Variants in IQCM observed in about 807,000 individuals in gnomAD.
IQCM encodes IQ motif containing M.
In IQCM, 45 loss-of-function variants were observed where a neutral mutation model predicts 57.6. That is an observed-to-expected ratio of 0.78 (90% confidence interval 0.62 to 1.00). The LOEUF (loss-of-function observed/expected upper bound fraction) is 1.00, where lower values mean the gene tolerates loss of function less well. Ranked by LOEUF, IQCM falls within the 50% of genes least tolerant of loss-of-function variation. The pLI is 0.00. For synonymous variants in IQCM, 148 were observed against 158.9 expected, an observed-to-expected ratio of 0.93 and a Z score of 0.51; for missense variants, 468 against 511.6, an observed-to-expected ratio of 0.91 and a Z score of 0.82.
chr4:149,461,036 A>G (rs1738222067), intron 12 of IQCM, among the ~76,000 whole-genome samples: 2 of 152,088 alleles, frequency 1.3e-5, no homozygotes, highest in Non-Finnish European at 2.9e-5. Context: ...GGAGTTCGAG[A>G]CCAGCCTGAC....
chr4:149,468,019 G>T (rs1158931091), intron 12 of IQCM, among the ~76,000 whole-genome samples: 1 of 152,124 alleles, frequency 6.6e-6, no homozygotes, highest in East Asian at 1.9e-4. Flanking sequence ...ATTGCTAGGG[G>T]GAGGCTCCAA....
At chr4:149,744,055 G>A (rs966660950) in intron 2 of IQCM, among the ~76,000 whole-genome samples, 45 of 152,170 alleles carry the variant, frequency 3.0e-4, no homozygotes. Flanking sequence ...CTGTAAGCCA[G>A]CTTTGCCCTA....
chr4:149,780,381 G>T (rs1373045035), intron 2 of IQCM: 3 of 151,962 alleles, frequency 2.0e-5, no homozygotes, highest in Admixed American at 2.0e-4. Flanking sequence ...TTCTCTGCAT[G>T]AAGATTTCAA....
chr4:149,501,674 C>T (rs1743256695), intron 12 of IQCM, among the ~76,000 whole-genome samples: 1 of 152,144 alleles, frequency 6.6e-6, no homozygotes, highest in African/African-American at 2.4e-5. Context: ...TCCAAATTAT[C>T]CTGCTAAGAA....
intron 13 of IQCM, among the ~76,000 whole-genome samples, chr4:149,426,687 C>T (rs969305102): frequency 3.3e-5 from 5 of 151,884 alleles, no homozygotes; most frequent in Admixed American, 6.6e-5. Context: ...AGTTCATCAC[C>T]GCATACACCT....
chr4:149,616,493 G>A (rs1003966997), intron 8 of IQCM, among the ~76,000 whole-genome samples: 1 of 152,042 alleles, frequency 6.6e-6, no homozygotes, highest in Non-Finnish European at 1.5e-5. Context: ...AGATAAAAAA[G>A]CTCTGGAGAT....
Position 149,797,720 on chromosome 4 carries a change from C to T in IQCM, c.-49+17591G>A, listed in dbSNP as rs987159988. On this transcript the variant is annotated intron_variant, in intron 2 of 13. Transcript: ENST00000636793. ...AATAACATATAATAGAGGTGTAATA[C>T]GTCTAGCAGCAGACTTTTCAATGGA... Among the ~76,000 whole-genome samples the T allele has an allele frequency of 1.1e-4, 17 of 151,664 alleles. 1 individual carries two copies. In the East Asian group the frequency reaches 3.1e-3, roughly 28 times the overall value.
At chr4:149,353,760 T>C (rs972026820) in intron 13 of IQCM, among the ~76,000 whole-genome samples, 1 of 151,918 alleles carries the variant, frequency 6.6e-6, no homozygotes, top group Non-Finnish European at 1.5e-5. Context: ...GAGAATCAAA[T>C]TGGTTACTAG....
intron 12 of IQCM, among the ~76,000 whole-genome samples, chr4:149,439,733 A>C (rs796669820): frequency 9.9e-5 from 15 of 152,240 alleles, no homozygotes; most frequent in African/African-American, 3.4e-4. Context: ...GCTCTGACTA[A>C]AGACAAAAGA....
chr4:149,512,495 T>G (rs1480835574), intron 12 of IQCM, among the ~76,000 whole-genome samples: 1 of 152,232 alleles, frequency 6.6e-6, no homozygotes, highest in Non-Finnish European at 1.5e-5. Context: ...TAAATTTTAA[T>G]GGACAGCTTT....
chr4:149,477,870 G>C (rs989450443), intron 12 of IQCM, among the ~76,000 whole-genome samples: 5 of 152,126 alleles, frequency 3.3e-5, no homozygotes. Context: ...AAATGGAACA[G>C]AGCTCTCAAA....
At chr4:149,709,343 A>G (rs1561184192) in intron 5 of IQCM, among the ~76,000 whole-genome samples, 1 of 152,022 alleles carries the variant, frequency 6.6e-6, no homozygotes, top group African/African-American at 2.4e-5. Context: ...CATGTAACCC[A>G]CCTGTATTTC....
At chr4:149,807,698 T>A (rs1244977055) in intron 2 of IQCM, among the ~76,000 whole-genome samples, 1 of 151,790 alleles carries the variant, frequency 6.6e-6, no homozygotes, top group Non-Finnish European at 1.5e-5. Context: ...AAGGAATTAA[T>A]AGCCAGAATA....
At chr4:149,557,733 T>C (rs976726244) in intron 10 of IQCM, among the ~76,000 whole-genome samples, 14 of 152,144 alleles carry the variant, frequency 9.2e-5, no homozygotes, top group Non-Finnish European at 2.1e-4. Context: ...AGAAATATGT[T>C]TCCTCTCACT....
intron 13 of IQCM, among the ~76,000 whole-genome samples, chr4:149,366,133 T>A (rs1345894701): frequency 6.6e-6 from 1 of 151,990 alleles, no homozygotes; most frequent in Admixed American, 6.6e-5. Context: ...TGGTACCAAC[T>A]TTTTTACTAT....
At chr4:149,701,682 T>C (rs1319562014) in intron 5 of IQCM, among the ~76,000 whole-genome samples, 1 of 151,954 alleles carries the variant, frequency 6.6e-6, no homozygotes, top group Non-Finnish European at 1.5e-5. Context: ...TTATTTGCTA[T>C]ATGTGGGTGC....
chr4:149,688,184 C>A (rs1762685226), intron 5 of IQCM, among the ~76,000 whole-genome samples: 1 of 151,760 alleles, frequency 6.6e-6, no homozygotes, highest in Non-Finnish European at 1.5e-5. Flanking sequence ...AAGATATGAT[C>A]ATTTACCTTG....
intron 2 of IQCM, among the ~76,000 whole-genome samples, chr4:149,784,177 T>G (rs1489610573): frequency 6.6e-6 from 1 of 152,190 alleles, no homozygotes; most frequent in East Asian, 1.9e-4. Flanking sequence ...CAGAGTAAAA[T>G]CTCAAGTTAT....
At chr4:149,659,742 A>G (rs1349317822) in intron 7 of IQCM, among the ~76,000 whole-genome samples, 5 of 152,146 alleles carry the variant, frequency 3.3e-5, no homozygotes, top group Non-Finnish European at 2.9e-5. Flanking sequence ...AGGATTCCCT[A>G]TTTAATAAAT....
Sources: allele counts gnomAD v4.1 joint callset (sites outside exome capture counted in the v4.1 genomes callset), GRCh38; gene constraint gnomAD v4.1.1; transcripts MANE v1.5; gene names NCBI Gene and HGNC (gene_info 2026-07-23, HGNC 2026-07-21).